The following EPHA6 variants were observed in gnomAD, a reference collection of about 807,000 sequenced individuals.
EPHA6 encodes the protein ephrin type-A receptor 6.
EPHA6 carries 50 observed loss-of-function variants against 112.0 expected under a neutral mutation model. That is an observed-to-expected ratio of 0.45 (90% CI 0.36 to 0.56). The LOEUF is 0.56. EPHA6 is among the 20% of genes least tolerant of loss of function. The pLI is 0.00. For synonymous variants in EPHA6, 529 were observed against 490.7 expected, an observed-to-expected ratio of 1.08 and a Z score of -1.03; for missense variants, 1,280 against 1,417.4, an observed-to-expected ratio of 0.90 and a Z score of 1.56.
chr3:97,279,621 C>T (rs1247297966), intron 5 of EPHA6, among the ~76,000 whole-genome samples: 2 of 151,922 alleles, frequency 1.3e-5, no homozygotes, highest in African/African-American at 2.4e-5. Flanking sequence ...ATCATAGGCA[C>T]GAAGCCAAGC....
chr3:97,620,022 T>C (rs2093800750), intron 13 of EPHA6, among the ~76,000 whole-genome samples: 1 of 151,764 alleles, frequency 6.6e-6, no homozygotes, highest in Admixed American at 6.6e-5. Flanking sequence ...AACTATACCA[T>C]AGGACTACAG....
rs368080914 is a variant in EPHA6 at position 97,401,114 on chromosome 3, G to A, written c.1607-4036G>A. ...TCCTTCTATACCTAATTTGTAGAAA[G>A]TCTATATAATGAAGAGATGTTGATT... On this transcript the variant is annotated intron_variant, in intron 5 of 17. Coordinates refer to ENST00000389672, the MANE Select transcript of EPHA6 (RefSeq NM_001080448.3). Among the ~76,000 whole-genome samples the A allele has an allele frequency of 4.1e-4, 63 of 151,856 alleles. No homozygotes were observed. In the East Asian group the frequency reaches 4.8e-3, roughly 12 times the overall value.
At chr3:97,213,010 G>C (rs1354856769) in intron 3 of EPHA6, among the ~76,000 whole-genome samples, 1 of 152,106 alleles carries the variant, frequency 6.6e-6, no homozygotes, top group Non-Finnish European at 1.5e-5. Context: ...CTGATACCTG[G>C]GTGCTGGTCT....
At chr3:97,005,249 G>T (rs759244648) in intron 3 of EPHA6, among the ~76,000 whole-genome samples, 1 of 152,056 alleles carries the variant, frequency 6.6e-6, no homozygotes, top group Non-Finnish European at 1.5e-5. Flanking sequence ...TATCCATGAG[G>T]ATGGAATGTT....
At chr3:97,631,685 C>T (rs554026467) in intron 13 of EPHA6, among the ~76,000 whole-genome samples, 6 of 152,064 alleles carry the variant, frequency 3.9e-5, no homozygotes, top group African/African-American at 1.4e-4. Context: ...CATGACACCA[C>T]ATTGTGAAGG....
intron 3 of EPHA6, among the ~76,000 whole-genome samples, chr3:97,174,805 T>C (rs1180649606): frequency 2.0e-5 from 3 of 152,008 alleles, no homozygotes; most frequent in African/African-American, 7.2e-5. Flanking sequence ...CAATTCCTTG[T>C]CAGATAGGTA....
chr3:96,989,562 A>ATG (rs777271062), intron 3 of EPHA6, among the ~76,000 whole-genome samples: 11 of 152,316 alleles, frequency 7.2e-5, no homozygotes, highest in Non-Finnish European at 1.6e-4. Flanking sequence ...ATACTGCTAT[A>ATG]AGAACTTCCT....
intron 10 of EPHA6, among the ~76,000 whole-genome samples, chr3:97,496,180 C>G (rs1218697059): frequency 6.6e-6 from 1 of 152,100 alleles, no homozygotes; most frequent in Non-Finnish European, 1.5e-5. Context: ...CATGGACTTT[C>G]CATGTGGTCT....
chr3:97,037,695 G>A (rs1334290005), intron 3 of EPHA6, among the ~76,000 whole-genome samples: 1 of 152,032 alleles, frequency 6.6e-6, no homozygotes, highest in African/African-American at 2.4e-5. Flanking sequence ...AGGAAAGAAA[G>A]GAAGCAGGAA....
At chr3:96,847,860 T>C (rs898478768) in intron 1 of EPHA6, among the ~76,000 whole-genome samples, 1 of 152,122 alleles carries the variant, frequency 6.6e-6, no homozygotes, top group African/African-American at 2.4e-5. Context: ...ATCATGTTCA[T>C]TCATTCAGTA....
chr3:97,327,173 A>G (rs1169544601), intron 5 of EPHA6, among the ~76,000 whole-genome samples: 1 of 152,106 alleles, frequency 6.6e-6, no homozygotes, highest in Admixed American at 6.6e-5. Flanking sequence ...ACAGTAAATT[A>G]CATTATGAAA....
At chr3:96,999,116 T>C (rs1316036822) in intron 3 of EPHA6, among the ~76,000 whole-genome samples, 1 of 151,940 alleles carries the variant, frequency 6.6e-6, no homozygotes, top group Non-Finnish European at 1.5e-5. Flanking sequence ...ATTTAGTGTG[T>C]TGCCTACATT....
intron 3 of EPHA6, among the ~76,000 whole-genome samples, chr3:97,078,678 C>A (rs1008781975): frequency 6.6e-6 from 1 of 152,056 alleles, no homozygotes; most frequent in Admixed American, 6.6e-5. Flanking sequence ...TTGTTTTTGT[C>A]GGGTTTGTCA....
intron 5 of EPHA6, among the ~76,000 whole-genome samples, chr3:97,321,199 G>T (rs1368813147): frequency 6.6e-6 from 1 of 151,890 alleles, no homozygotes; most frequent in African/African-American, 2.4e-5. Context: ...AAATGATTCA[G>T]CATCAAGTTA....
intron 7 of EPHA6, among the ~76,000 whole-genome samples, chr3:97,461,364 A>C (rs72928237): frequency 0.018 from 2,698 of 152,252 alleles, 78 homozygotes; most frequent in African/African-American, 0.056. Context: ...ACTTTGAATA[A>C]GTCAGTTAAC....
intron 5 of EPHA6, among the ~76,000 whole-genome samples, chr3:97,330,734 A>T (rs2082752576): frequency 6.6e-6 from 1 of 152,142 alleles, no homozygotes; most frequent in Non-Finnish European, 1.5e-5. Context: ...AGGAGCACCC[A>T]GATTCATAAA....
chr3:96,875,452 A>G (rs2036888916), intron 2 of EPHA6, among the ~76,000 whole-genome samples: 1 of 152,140 alleles, frequency 6.6e-6, no homozygotes, highest in South Asian at 2.1e-4. Context: ...CTGCAAAAGA[A>G]AATGTATTGC....
chr3:97,041,837 C>CTCACTCACTAT (rs1393208482), intron 3 of EPHA6, among the ~76,000 whole-genome samples: 1 of 152,010 alleles, frequency 6.6e-6, no homozygotes, highest in Non-Finnish European at 1.5e-5. Flanking sequence ...CTCCTGAGAA[C>CTCACTCACTAT]TCACTCACTA....
At position 97,372,126 on chromosome 3, in the gene EPHA6, C is replaced by T. The variant is rs865954442; in HGVS notation, c.1607-33024C>T. Among the ~76,000 whole-genome samples, 46 of 152,196 alleles carry T rather than the reference C, an allele frequency of 3.0e-4. 1 individual carries two copies. In the Middle Eastern group the frequency reaches 0.017, roughly 56 times the overall value. ...CTCTGTGACCCACACCCTATTCGTA[C>T]ACTCCCTCCCCTTTTGAAAATCACT... On this transcript the variant is annotated intron_variant, in intron 5 of 17. Coordinates refer to ENST00000389672, the MANE Select transcript of EPHA6 (RefSeq NM_001080448.3).
Sources: allele counts gnomAD v4.1 joint callset (sites outside exome capture counted in the v4.1 genomes callset), GRCh38; gene constraint gnomAD v4.1.1; transcripts MANE v1.5; gene names NCBI Gene and HGNC (gene_info 2026-07-23, HGNC 2026-07-21).